Variants in PACRGL observed in about 807,000 individuals in gnomAD.
The protein encoded by PACRGL is PACRG-like protein.
PACRGL carries 38 observed loss-of-function variants against 34.5 expected under a neutral mutation model. That is an observed-to-expected ratio of 1.10 (90% CI 0.85 to 1.44). PACRGL has a LOEUF of 1.44. Among genes scored for constraint, PACRGL ranks in the 40% most tolerant of loss-of-function variants. The probability of loss-of-function intolerance (pLI) is 0.00; values close to 1 mark genes in which losing one functional copy is unlikely to be tolerated. For synonymous variants in PACRGL, 128 were observed against 100.1 expected (o/e 1.28, Z -1.66); for missense variants, 305 against 281.4 (o/e 1.08, Z -0.60).
Position 20,731,767 on chromosome 4 carries a change from A to C in PACRGL, c.*4426A>C. ...AGGAATTTGGGAATCAACACAGTAC[A>C]TGTACAACTTTTGTATCCCCAGGGT... On this transcript the variant is annotated 3_prime_UTR_variant, in exon 9 of 9. Transcript: ENST00000503585. 1 of 985,402 alleles carries C rather than the reference A, an allele frequency of 1.0e-6. No individual in the cohort carries two copies. The highest frequency in any genetic ancestry group is 4.7e-5 in the South Asian group (1 of 21,290). The allele number at this position is 985,402 out of a possible 1,614,324, so 61.0% of individuals were successfully genotyped here.
At chr4:20,701,536 A>G (rs1294730127) in intron 1 of PACRGL, 1 of 181,566 alleles carries the variant, frequency 5.5e-6, no homozygotes, top group Non-Finnish European at 1.2e-5. Context: ...TCTCCCCATC[A>G]CTGCCCCTTT....
intron 7 of PACRGL, chr4:20,716,129 T>C (rs745589575): frequency 1.6e-5 from 24 of 1,509,002 alleles, no homozygotes; most frequent in Non-Finnish European, 2.0e-5. Context: ...CTCATGAGGT[T>C]CCCAAGACCA....
At chr4:20,706,191 G>C (rs1305138068) in intron 3 of PACRGL, among the ~76,000 whole-genome samples, 1 of 151,862 alleles carries the variant, frequency 6.6e-6, no homozygotes, top group African/African-American at 2.4e-5. Context: ...TGATTTTGTG[G>C]AACATGGAAG....
rs757790593 is a variant in PACRGL, at chr4:20,713,462, G to C, written c.532G>C (p.Gly178Arg). Reference protein sequence around the residue: ...VHSDDEVFERGLNALVQLSVV... With the variant: ...VHSDDEVFERRLNALVQLSVV... The stretch of plus-strand genomic sequence containing the variant: ...TTCGGATGATGAAGTGTTTGAAAGA[G>C]GATTGAATGCTCTAGTTCAGCTAAG... Residue 178 changes from glycine (G) to arginine (R), a missense_variant, in exon 7 of 9, where the codon GGA becomes CGA. Gly to Arg is a moderately radical substitution (Grantham distance 125). Transcript: ENST00000503585. 2 of 1,613,654 alleles carry C rather than the reference G, an allele frequency of 1.2e-6. No homozygotes were observed. The highest frequency in any genetic ancestry group is 8.5e-7 in the Non-Finnish European group (1 of 1,179,750).
chr4:20,742,002 T>G (rs1751237916), intron 8 of PACRGL, among the ~76,000 whole-genome samples: 1 of 152,052 alleles, frequency 6.6e-6, no homozygotes, highest in African/African-American at 2.4e-5. Flanking sequence ...ACATACACCC[T>G]CCCAAGACTA....
chr4:20,767,302 TATTGTA>T, the PACRGL span: 1 of 152,186 alleles, frequency 6.6e-6, no homozygotes, highest in Non-Finnish European at 1.5e-5. Context: ...AAGAAAGGAA[TATTGTA>T]ATTGTAAATG....
At chr4:20,749,342 G>A (rs900879797) in intron 8 of PACRGL, among the ~76,000 whole-genome samples, 14 of 152,028 alleles carry the variant, frequency 9.2e-5, no homozygotes, top group Non-Finnish European at 1.9e-4. Context: ...GTATTTCCAA[G>A]GTCTACCACA....
rs1746245760 is a variant in PACRGL, at chr4:20,727,444, C to A, written c.*103C>A. The A allele has an allele frequency of 3.2e-6, 3 of 933,044 alleles. No homozygotes were observed. The highest frequency in any genetic ancestry group is 3.2e-5 in the South Asian group (2 of 63,138). 57.8% of individuals were successfully genotyped at this position (933,044 alleles called of 1,614,324 possible). A position where few individuals can be genotyped will look rare whatever the true frequency, so the allele number is the denominator to read the frequency against. On this transcript the variant is annotated 3_prime_UTR_variant, in exon 9 of 9. Coordinates refer to ENST00000503585, the MANE Select transcript of PACRGL (RefSeq NM_001258345.3). ...TCTTTTGTAAATCACAGCCACCATTCATTATTTACTAGGTTAAGATGAATA... is the reference window on the plus strand; with the variant it reads ...TCTTTTGTAAATCACAGCCACCATTAATTATTTACTAGGTTAAGATGAATA...
At position 20,719,204 on chromosome 4, in the gene PACRGL, A is replaced by G. The variant is rs561431626; in HGVS notation, c.610-5604A>G. On this transcript the variant is annotated intron_variant, in intron 7 of 8. Coordinates refer to ENST00000503585, the MANE Select transcript of PACRGL (RefSeq NM_001258345.3). ...CCTTGTATCATTTTTTATTGCGTCT[A>G]TTTGATTCTTCTCTCTTTACTTTAT... 3.4e-4 allele frequency among the ~76,000 whole-genome samples: 52 copies of G among 152,108 alleles called. No homozygotes were observed. In the South Asian group the frequency reaches 4.1e-3, roughly 12 times the overall value.
chr4:20,712,306 G>C (rs1262652126), intron 5 of PACRGL, among the ~76,000 whole-genome samples: 1 of 135,612 alleles, frequency 7.4e-6, no homozygotes, highest in Non-Finnish European at 1.6e-5. Context: ...GATTACTCCT[G>C]TCTCATGTAC....
chr4:20,707,422 A>T (rs927080904), intron 3 of PACRGL, among the ~76,000 whole-genome samples: 1 of 152,188 alleles, frequency 6.6e-6, no homozygotes. Context: ...GTGACTACCT[A>T]CGCCATCTGT....
rs750041166 is a variant in PACRGL, at chr4:20,704,832, C to G, written c.207+18C>G. 3 of 1,612,080 alleles carry G rather than the reference C, an allele frequency of 1.9e-6. No individual in the cohort carries two copies. Among genetic ancestry groups the G allele is most frequent in the Non-Finnish European group, 2.5e-6 (3 of 1,178,284 alleles). On this transcript the variant is annotated intron_variant, in intron 3 of 8. Transcript: ENST00000503585. ...TTAATCCGGTAGGTCCAAAACTATT[C>G]CTAACTCAGTAGATTTTTTAAAGGC...
chr4:20,696,899 TTATA>T (rs1731267070), upstream of PACRGL, among the ~76,000 whole-genome samples: 1 of 151,894 alleles, frequency 6.6e-6, no homozygotes, highest in Admixed American at 6.6e-5. Context: ...TTAATAGTGT[TTATA>T]TTTATTCCAA....
At chr4:20,713,013 TC>T in intron 6 of PACRGL, 91 bp downstream of exon 6, 1 of 1,290,812 alleles carries the variant, frequency 7.7e-7, no homozygotes, top group Non-Finnish European at 1.0e-6. Flanking sequence ...CCTTTTTCCC[TC>T]CATATTATAT....
rs1363138094 is a variant in PACRGL, at chr4:20,728,812, T to C, written c.*1471T>C. 3 of 152,576 alleles carry C rather than the reference T, an allele frequency of 2.0e-5. No individual in the cohort carries two copies. Among genetic ancestry groups the C allele is most frequent in the Admixed American group, 6.6e-5 (1 of 15,264 alleles). 9.5% of individuals were successfully genotyped at this position (152,576 alleles called of 1,614,324 possible). ...CCTGATTTATTGTTGCAAAGACAGTTGCAAATTTCCTCCTTCTGTAGCCTC... is the reference window on the plus strand; with the variant it reads ...CCTGATTTATTGTTGCAAAGACAGTCGCAAATTTCCTCCTTCTGTAGCCTC... On this transcript the variant is annotated 3_prime_UTR_variant, in exon 9 of 9. Transcript: ENST00000503585.
chr4:20,756,102 G>A (rs1351598758), downstream of PACRGL, among the ~76,000 whole-genome samples: 1 of 151,864 alleles, frequency 6.6e-6, no homozygotes, highest in African/African-American at 2.4e-5. Context: ...CAGAATCAGA[G>A]AAGTCAGTTT....
chr4:20,726,685 G>A (rs1046321471), intron 8 of PACRGL, among the ~76,000 whole-genome samples: 2 of 152,068 alleles, frequency 1.3e-5, no homozygotes, highest in African/African-American at 4.8e-5. Flanking sequence ...TATCAATGAT[G>A]GAACTATTCA....
In PACRGL at chr4:20,712,835, T is replaced by C. The variant is rs761163873; in HGVS notation, c.414T>C (p.Gly138=). 11 of 1,600,150 alleles carry C rather than the reference T, an allele frequency of 6.9e-6. No individual in the cohort carries two copies. The highest frequency in any genetic ancestry group is 6.7e-5 in the African/African-American group (5 of 74,596). The part of the protein sequence containing the change: ...KHPYTFVSKE[G]FRELLLVKGA... ...CATACACTTTTGTGTCAAAGGAGGG[T>C]TTTAGAGAATTACTTTTGGTCAAAG... is the stretch of plus-strand genomic sequence containing the variant. Residue 138 remains glycine (G), a synonymous_variant, in exon 6 of 9, where the codon GGT becomes GGC. Transcript: ENST00000503585.
Position 20,727,173 on chromosome 4 carries a change from AC to A in PACRGL, c.691-108del, listed in dbSNP as rs1007821555. ...CTTCTTATTTCATCATTTTGTTCTTACCCCTTTTTGTTTGAGTTTTAGATAC... is the reference window on the plus strand; with the variant it reads ...CTTCTTATTTCATCATTTTGTTCTTACCCTTTTTGTTTGAGTTTTAGATAC... On this transcript the variant is annotated intron_variant, in intron 8 of 8. Coordinates refer to ENST00000503585, the MANE Select transcript of PACRGL (RefSeq NM_001258345.3). The A allele has an allele frequency of 8.3e-6, 7 of 848,112 alleles. No homozygotes were observed. The Admixed American group carries it at 1.5e-4, about 18-fold the overall frequency. The allele number at this position is 848,112 out of a possible 1,614,324, so 52.5% of individuals were successfully genotyped here.
Sources: gnomAD v4.1 joint callset for allele counts (sites outside exome capture counted in the v4.1 genomes callset) on GRCh38, gnomAD v4.1.1 for gene constraint, MANE v1.5 for transcripts, NCBI Gene and HGNC (gene_info 2026-07-23, HGNC 2026-07-21) for gene names.